Variants in FAM200B observed in about 807,000 individuals in gnomAD.
FAM200B encodes the protein protein FAM200B.
In FAM200B, 32 loss-of-function variants were observed where a neutral mutation model predicts 33.1. That is an observed-to-expected ratio of 0.97 (90% CI 0.73 to 1.30). The LOEUF (loss-of-function observed/expected upper bound fraction) is 1.30. FAM200B is among the 50% of genes most tolerant of loss of function. The pLI is 0.00. For missense variants in FAM200B, 741 were observed against 754.0 expected (o/e 0.98, Z 0.20); for synonymous variants, 240 against 264.8 (o/e 0.91, Z 0.91).
the FAM200B span, among the ~76,000 whole-genome samples, chr4:15,644,230 C>T: frequency 4.1e-3 from 627 of 152,312 alleles, 21 homozygotes; most frequent in Admixed American, 0.037. Flanking sequence ...AGTTTTCCAT[C>T]CACTCTTCCC....
the FAM200B span, among the ~76,000 whole-genome samples, chr4:15,650,455 T>C: frequency 2.6e-5 from 4 of 152,148 alleles, no homozygotes; most frequent in African/African-American, 9.7e-5. Flanking sequence ...AAAAGAGATT[T>C]ATGACCTACT....
chr4:15,644,374 G>A, the FAM200B span: 1 of 797,276 alleles, frequency 1.3e-6, no homozygotes. Context: ...TTTAACAAGT[G>A]ACAAAATAAT....
At chr4:15,654,942 T>G in the FAM200B span, among the ~76,000 whole-genome samples, 1 of 151,618 alleles carries the variant, frequency 6.6e-6, no homozygotes, top group Non-Finnish European at 1.5e-5. Flanking sequence ...GTAGCGCCCC[T>G]CCTCAGCCGC....
the FAM200B span, among the ~76,000 whole-genome samples, chr4:15,645,576 C>T: frequency 6.6e-6 from 1 of 151,948 alleles, no homozygotes; most frequent in Non-Finnish European, 1.5e-5. Context: ...TACAGGTGCT[C>T]GCCACCACGC....
the FAM200B span, among the ~76,000 whole-genome samples, chr4:15,650,083 G>A: frequency 1.5e-3 from 235 of 152,254 alleles, 1 homozygote; most frequent in Middle Eastern, 3.4e-3. Context: ...ATCCCCCAGA[G>A]ATAAAAGGCA....
At chr4:15,655,093 G>T in the FAM200B span, 1 of 842,650 alleles carries the variant, frequency 1.2e-6, no homozygotes, top group East Asian at 5.1e-5. Flanking sequence ...CTACTCGCGC[G>T]GCGACGGCAC....
chr4:15,676,637 A>C, the FAM200B span, among the ~76,000 whole-genome samples: 1 of 152,036 alleles, frequency 6.6e-6, no homozygotes, highest in African/African-American at 2.4e-5. Flanking sequence ...CATTTCCTTC[A>C]CAATAATTCT....
chr4:15,656,205 C>G, the FAM200B span: 554 of 456,224 alleles, frequency 1.2e-3, 6 homozygotes, highest in African/African-American at 0.01. Flanking sequence ...AGCGGAGGTT[C>G]GGAGAGAAAA....
At chr4:15,640,911 T>A in the FAM200B span, 3 of 1,270,504 alleles carry the variant, frequency 2.4e-6, no homozygotes, top group African/African-American at 3.1e-5. Context: ...AATACATTTT[T>A]ATAAAAGTTT....
the FAM200B span, among the ~76,000 whole-genome samples, chr4:15,655,741 C>G: frequency 6.6e-6 from 1 of 152,202 alleles, no homozygotes; most frequent in Non-Finnish European, 1.5e-5. Flanking sequence ...CTTGTGCCCA[C>G]GCCCCGACGC....
rs1719146533 is a variant in FAM200B at position 15,688,863 on chromosome 4, T to C, written c.1886T>C (p.Leu629Pro). ...TQLKTKERNG[L>P]NCAAVMRVAL... The stretch of plus-strand genomic sequence containing the variant: ...TTAAAAACAAAGGAAAGAAATGGGC[T>C]GAATTGTGCAGCAGTTATGCGGGTA... Residue 629 changes from leucine (L) to proline (P), a missense_variant, in exon 2 of 2, where the codon CTG becomes CCG. Leu to Pro is a moderately conservative substitution (Grantham distance 98, BLOSUM62 -3). Coordinates refer to ENST00000422728, the MANE Select transcript of FAM200B (RefSeq NM_001145191.2). 4 of 1,551,456 alleles carry C rather than the reference T, an allele frequency of 2.6e-6. No individual in the cohort carries two copies. The East Asian group carries it at 9.8e-5, about 38-fold the overall frequency.
At chr4:15,638,419 T>C in the FAM200B span, 1 of 957,706 alleles carries the variant, frequency 1.0e-6, no homozygotes, top group Non-Finnish European at 1.5e-6. Flanking sequence ...TAACTTGAAT[T>C]ATTCCTCAAC....
chr4:15,647,263 A>C, the FAM200B span, among the ~76,000 whole-genome samples: 1 of 14,436 alleles, frequency 6.9e-5, no homozygotes, highest in Non-Finnish European at 1.2e-4. Context: ...TGTTGAAAAA[A>C]ATAAAAATAA....
chr4:15,648,377 C>T, the FAM200B span, among the ~76,000 whole-genome samples: 1 of 152,066 alleles, frequency 6.6e-6, no homozygotes, highest in Non-Finnish European at 1.5e-5. Flanking sequence ...AATCCCATTC[C>T]TGAGTATATG....
At position 15,687,133 on chromosome 4, in the gene FAM200B, T is replaced by G; in HGVS notation, c.156T>G (p.His52Gln). The change falls in exon 2 of 2, where the codon CAT (histidine) becomes CAG (glutamine). Residue 52 changes from histidine (H) to glutamine (Q), a missense_variant. Physicochemically the swap from His to Gln is conservative, Grantham distance 24. Transcript: ENST00000422728. ...NLQTSTSFEPHFKKKKVSARR... is the reference protein window; with the variant it reads ...NLQTSTSFEPQFKKKKVSARR... ...AAACTTCAACTTCATTTGAGCCACA[T>G]TTCAAAAAGAAAAAAGTAAGTGCAA... 1 of 1,547,906 alleles carries G rather than the reference T, an allele frequency of 6.5e-7. No individual in the cohort carries two copies. The highest frequency in any genetic ancestry group is 8.7e-7 in the Non-Finnish European group (1 of 1,145,764).
At chr4:15,645,274 T>C in the FAM200B span, among the ~76,000 whole-genome samples, 1 of 152,144 alleles carries the variant, frequency 6.6e-6, no homozygotes, top group Non-Finnish European at 1.5e-5. Flanking sequence ...AAATTATTCC[T>C]ACTATACATA....
the FAM200B span, among the ~76,000 whole-genome samples, chr4:15,662,397 A>T: frequency 1.3e-5 from 2 of 152,236 alleles, no homozygotes; most frequent in African/African-American, 4.8e-5. Flanking sequence ...TATGAAAAAG[A>T]GTAAAATATA....
intron 1 of FAM200B, among the ~76,000 whole-genome samples, chr4:15,683,228 A>T (rs535853243): frequency 3.3e-5 from 5 of 152,144 alleles, no homozygotes. Context: ...TTAATATTTC[A>T]TATTTTCTTC....
chr4:15,649,741 G>A, the FAM200B span, among the ~76,000 whole-genome samples: 3 of 151,904 alleles, frequency 2.0e-5, no homozygotes, highest in Non-Finnish European at 2.9e-5. Context: ...TAGGACATAC[G>A]GAAGGAAGCC....
Sources: allele counts gnomAD v4.1 joint callset (sites outside exome capture counted in the v4.1 genomes callset), GRCh38; gene constraint gnomAD v4.1.1; transcripts MANE v1.5; gene names NCBI Gene and HGNC (gene_info 2026-07-23, HGNC 2026-07-21).